PIK3R3: variants seen among roughly 807,000 people sequenced by gnomAD.
PIK3R3 encodes the protein phosphatidylinositol 3-kinase regulatory subunit gamma.
PIK3R3 carries 64 observed loss-of-function variants against 62.9 expected under a neutral mutation model. The observed-to-expected ratio is 1.02, with a 90% confidence interval of 0.83 to 1.25. PIK3R3 has a LOEUF of 1.25. PIK3R3 is among the 50% of genes most tolerant of loss of function. The pLI, the probability that PIK3R3 is intolerant of heterozygous loss-of-function variation, is 0.00. For missense variants in PIK3R3, 614 were observed against 561.6 expected, an observed-to-expected ratio of 1.09 and a Z score of -0.94; for synonymous variants, 165 against 189.0, an observed-to-expected ratio of 0.87 and a Z score of 1.04.
At chr1:46,078,764 A>AT (rs1386575655) in intron 2 of PIK3R3, among the ~76,000 whole-genome samples, 1 of 152,242 alleles carries the variant, frequency 6.6e-6, no homozygotes, top group Non-Finnish European at 1.5e-5. Context: ...GGATTAAAAA[A>AT]ATATATAACA....
chr1:46,132,248 C>A lies in PIK3R3; in HGVS notation c.-296G>T. The A allele has an allele frequency of 8.7e-7, 1 of 1,153,708 alleles. No individual in the cohort carries two copies. The highest frequency in any genetic ancestry group is 1.1e-6 in the Non-Finnish European group (1 of 931,912). 71.5% of individuals were successfully genotyped at this position (1,153,708 alleles called of 1,614,324 possible). On this transcript the variant is annotated 5_prime_UTR_variant, in exon 1 of 10. It adds an upstream start codon to the 5' untranslated region. Transcript: ENST00000262741. ...GTTAAAAAGCGGCTTCCCAAAAATC[C>A]TTTCTACACAGTCGCTCTCCGGGGA...
Position 46,044,081 on chromosome 1 carries a change from T to A in PIK3R3, c.1188-210A>T, listed in dbSNP as rs891999568. Among the ~76,000 whole-genome samples, 32 of 41,552 alleles carry A rather than the reference T, an allele frequency of 7.7e-4. No individual in the cohort carries two copies. The East Asian group carries it at 9.2e-3, about 12-fold the overall frequency. 27.3% of individuals were successfully genotyped at this position (41,552 alleles called of 152,430 possible). ...ACAAATGTAAGGGTTTATTTATTTC[T>A]TTTTTTTTTTTTTAGACAGGGTCTC... On this transcript the variant is annotated intron_variant, in intron 9 of 9. Coordinates refer to ENST00000262741, the MANE Select transcript of PIK3R3 (RefSeq NM_003629.4). The surrounding 1 kb of genome is among the most constrained non-coding windows in gnomAD (Gnocchi z 4.2).
chr1:46,059,186 T>C (rs1021954215), intron 6 of PIK3R3, among the ~76,000 whole-genome samples: 6 of 152,262 alleles, frequency 3.9e-5, no homozygotes, highest in Admixed American at 1.3e-4. Flanking sequence ...CCTTCCACCA[T>C]GATTGTGAGG....
At chr1:46,047,460 G>C (rs1647146382) in intron 7 of PIK3R3, among the ~76,000 whole-genome samples, 1 of 150,202 alleles carries the variant, frequency 6.7e-6, no homozygotes. Context: ...AAGAAAGAAA[G>C]AAAGAAAAGA....
the PIK3R3 span, among the ~76,000 whole-genome samples, chr1:46,138,575 G>A: frequency 5.3e-5 from 8 of 152,184 alleles, no homozygotes; most frequent in African/African-American, 1.7e-4. Context: ...CCAGAGGATC[G>A]CTTTAGCCCA....
chr1:46,101,031 G>T (rs921509907), intron 1 of PIK3R3, among the ~76,000 whole-genome samples: 2 of 151,712 alleles, frequency 1.3e-5, no homozygotes, highest in Non-Finnish European at 2.9e-5. Context: ...AAAATTAGCT[G>T]GGTGTGGTGG....
intron 1 of PIK3R3, among the ~76,000 whole-genome samples, chr1:46,098,710 T>C (rs1199484250): frequency 2.6e-5 from 4 of 152,176 alleles, no homozygotes; most frequent in Admixed American, 1.3e-4. Context: ...GGAATGACTT[T>C]TTCTTTTTTT....
intron 7 of PIK3R3, among the ~76,000 whole-genome samples, chr1:46,051,311 A>G (rs2149379567): frequency 6.6e-6 from 1 of 152,108 alleles, no homozygotes; most frequent in South Asian, 2.1e-4. Flanking sequence ...CCCAGGCTAG[A>G]GTGCAGTGGG....
chr1:46,056,936 C>T (rs983207145), intron 6 of PIK3R3: 1 of 152,230 alleles, frequency 6.6e-6, no homozygotes, highest in African/African-American at 2.4e-5. Flanking sequence ...TGCTGTGGGG[C>T]CATGGGCAAG....
intron 1 of PIK3R3, among the ~76,000 whole-genome samples, chr1:46,095,274 T>C (rs937936740): frequency 2.6e-5 from 4 of 152,196 alleles, no homozygotes; most frequent in African/African-American, 9.6e-5. Context: ...ATGTGGTATA[T>C]ATACAGCATG....
intron 1 of PIK3R3, among the ~76,000 whole-genome samples, chr1:46,093,519 G>C (rs1032187519): frequency 6.6e-6 from 1 of 152,034 alleles, no homozygotes; most frequent in Non-Finnish European, 1.5e-5. Flanking sequence ...CTCAGTTTAA[G>C]AAAAATGTTT....
At chr1:46,121,196 G>A (rs1169960432) in intron 1 of PIK3R3, among the ~76,000 whole-genome samples, 1 of 152,086 alleles carries the variant, frequency 6.6e-6, no homozygotes, top group Admixed American at 6.6e-5. Context: ...GTTGCTTGCA[G>A]CTGAAAACAT....
chr1:46,086,388 C>T (rs371886039), intron 1 of PIK3R3, among the ~76,000 whole-genome samples: 2 of 152,074 alleles, frequency 1.3e-5, no homozygotes, highest in East Asian at 1.9e-4. Flanking sequence ...GCCAGAAGTT[C>T]GAACCCACAG....
intron 1 of PIK3R3, among the ~76,000 whole-genome samples, chr1:46,100,584 T>C (rs1318293808): frequency 6.6e-6 from 1 of 152,236 alleles, no homozygotes; most frequent in Non-Finnish European, 1.5e-5. Context: ...CTTCCTAATT[T>C]TTCTTGACAG....
At chr1:46,092,442 C>A (rs4660911) in intron 1 of PIK3R3, among the ~76,000 whole-genome samples, 69,652 of 151,986 alleles carry the variant, frequency 0.46, 16,105 homozygotes, top group East Asian at 0.62. Flanking sequence ...CGACTCACTG[C>A]AACCTCCACC....
At chr1:46,106,017 A>G (rs1653173259) in intron 1 of PIK3R3, among the ~76,000 whole-genome samples, 2 of 152,216 alleles carry the variant, frequency 1.3e-5, no homozygotes, top group South Asian at 4.1e-4. Flanking sequence ...CATGGCAATT[A>G]TAGGCATCTC....
At chr1:46,068,968 A>C (rs1649254620) in intron 3 of PIK3R3, among the ~76,000 whole-genome samples, 1 of 152,196 alleles carries the variant, frequency 6.6e-6, no homozygotes, top group African/African-American at 2.4e-5. Flanking sequence ...CAGCAGTAGA[A>C]GTGGAAAGAT....
chr1:46,123,250 G>A (rs1360536323), intron 1 of PIK3R3, among the ~76,000 whole-genome samples: 1 of 152,096 alleles, frequency 6.6e-6, no homozygotes, highest in Non-Finnish European at 1.5e-5. Flanking sequence ...AGAATTTTTG[G>A]AGAAAGTTTT....
chr1:46,098,313 TG>T (rs2149438187), intron 1 of PIK3R3, among the ~76,000 whole-genome samples: 1 of 152,318 alleles, frequency 6.6e-6, no homozygotes, highest in Non-Finnish European at 1.5e-5. Flanking sequence ...ACTGCTGTCA[TG>T]AAAGTAAAAT....
Sources: allele counts gnomAD v4.1 joint callset (sites outside exome capture counted in the v4.1 genomes callset), GRCh38; gene constraint gnomAD v4.1.1; non-coding constraint Gnocchi (gnomAD v3.1); transcripts MANE v1.5; gene names NCBI Gene and HGNC (gene_info 2026-07-23, HGNC 2026-07-21).